DIS3L: variants seen among roughly 807,000 people sequenced by gnomAD.
The protein encoded by DIS3L is DIS3-like exonuclease 1.
In DIS3L, 100 loss-of-function variants were observed where a neutral mutation model predicts 120.3. The ratio of observed to expected loss-of-function variants is 0.83; its 90% CI spans 0.71 to 0.98. The LOEUF is 0.98. Ranked by LOEUF, DIS3L falls within the 50% of genes least tolerant of loss-of-function variation. The pLI is 0.00. For synonymous variants in DIS3L, 426 were observed against 470.6 expected (o/e 0.91, Z 1.23); for missense variants, 1,196 against 1,314.2 (o/e 0.91, Z 1.39).
intron 2 of DIS3L, among the ~76,000 whole-genome samples, chr15:66,297,605 A>C (rs535696761): frequency 2.0e-5 from 3 of 152,326 alleles, no homozygotes; most frequent in African/African-American, 7.2e-5. Context: ...GGCCTAGCAG[A>C]AGCTCTCTAG....
At chr15:66,311,135 A>C (rs1303607938) in intron 4 of DIS3L, among the ~76,000 whole-genome samples, 1 of 151,492 alleles carries the variant, frequency 6.6e-6, no homozygotes, top group Non-Finnish European at 1.5e-5. Context: ...TGGCCAGGGC[A>C]GGAGGATCAC....
chr15:66,308,901 G>A (rs758976632), intron 4 of DIS3L, 57 bp downstream of exon 4: 34 of 1,526,058 alleles, frequency 2.2e-5, no homozygotes, highest in Non-Finnish European at 2.8e-5. Flanking sequence ...TACCCATAAG[G>A]CTCTAGATCC....
intron 4 of DIS3L, among the ~76,000 whole-genome samples, chr15:66,311,025 G>T (rs2092754779): frequency 6.8e-6 from 1 of 146,292 alleles, no homozygotes; most frequent in Non-Finnish European, 1.5e-5. Flanking sequence ...CTCCAGCATG[G>T]GCAACAGAGC....
chr15:66,327,916 C>T (rs1031836315), intron 12 of DIS3L, among the ~76,000 whole-genome samples: 5 of 151,962 alleles, frequency 3.3e-5, no homozygotes, highest in East Asian at 1.9e-4. Context: ...ACGAGCCAGG[C>T]ATGGCGCACT....
intron 8 of DIS3L, 149 bp downstream of exon 8, chr15:66,318,767 A>G: frequency 2.2e-6 from 2 of 916,516 alleles, no homozygotes; most frequent in South Asian, 1.9e-5. Context: ...AGATACTGGG[A>G]TGTGTTTTTT....
At chr15:66,314,963 C>A in intron 6 of DIS3L, 73 bp from the exon 7 acceptor site, 1 of 1,491,892 alleles carries the variant, frequency 6.7e-7, no homozygotes, top group South Asian at 1.2e-5. Context: ...TCGAGTATAT[C>A]ATGCGCGGAA....
In DIS3L at chr15:66,293,614, G is replaced by C. The variant is rs2092546372; in HGVS notation, c.18G>C (p.Glu6Asp). The C allele has an allele frequency of 6.9e-7, 1 of 1,445,188 alleles. No individual in the cohort carries two copies. The highest frequency in any genetic ancestry group is 1.5e-5 in the African/African-American group (1 of 67,482). The allele number at this position is 1,445,188 out of a possible 1,614,324, so 89.5% of individuals were successfully genotyped here. A position where few individuals can be genotyped will look rare whatever the true frequency, so the allele number is the denominator to read the frequency against. Residue 6 changes from glutamate (E) to aspartate (D), a missense_variant, in exon 1 of 17, where the codon GAG becomes GAC. Transcript: ENST00000319212. ...ACGCCGCCATGCTGCAGAAGCGGGA[G>C]AAGGTGCTGCTGCTGAGGACCTTCC... The part of the protein sequence containing the change: MLQKR[E>D]KVLLLRTFQG...
chr15:66,333,405 G>A lies in DIS3L; in HGVS notation c.*93G>A, dbSNP rs373597475. ...ATGTGTGTCACTCAGTGCTCTAGTC[G>A]ATCAGGACTGGGTAGCTATTTCGCA... On this transcript the variant is annotated 3_prime_UTR_variant, in exon 17 of 17. Coordinates refer to ENST00000319212, the MANE Select transcript of DIS3L (RefSeq NM_001143688.3). 73 of 1,330,876 alleles carry A rather than the reference G, an allele frequency of 5.5e-5. No individual in the cohort carries two copies. Among genetic ancestry groups the A allele is most frequent in the East Asian group, 5.3e-4 (23 of 43,016 alleles). 82.4% of individuals were successfully genotyped at this position (1,330,876 alleles called of 1,614,324 possible). A position where few individuals can be genotyped will look rare whatever the true frequency, so the allele number is the denominator to read the frequency against.
At chr15:66,297,278 T>C (rs1332031069) in intron 2 of DIS3L, among the ~76,000 whole-genome samples, 1 of 152,180 alleles carries the variant, frequency 6.6e-6, no homozygotes, top group African/African-American at 2.4e-5. Context: ...TTATTTGACT[T>C]TTTTTAATTG....
At chr15:66,311,936 C>T (rs1435662142) in intron 5 of DIS3L, 36 bp downstream of exon 5, 2 of 1,607,216 alleles carry the variant, frequency 1.2e-6, no homozygotes, top group Middle Eastern at 1.8e-4. Flanking sequence ...CAGGGCTGGG[C>T]ACAGTGGCTC....
At chr15:66,295,885 T>A (rs2092581453) in intron 2 of DIS3L, among the ~76,000 whole-genome samples, 1 of 152,262 alleles carries the variant, frequency 6.6e-6, no homozygotes, top group African/African-American at 2.4e-5. Flanking sequence ...GCACCAACTA[T>A]GCATTTATTC....
At chr15:66,319,575 CA>C (rs1481449245) in intron 8 of DIS3L, among the ~76,000 whole-genome samples, 1 of 152,162 alleles carries the variant, frequency 6.6e-6, no homozygotes, top group Non-Finnish European at 1.5e-5. Flanking sequence ...TTACTTGTGT[CA>C]AAAAGTATGG....
intron 4 of DIS3L, among the ~76,000 whole-genome samples, 176 bp from the exon 5 acceptor site, chr15:66,311,546 CAG>C (rs1491435508): frequency 6.6e-6 from 1 of 151,972 alleles, no homozygotes; most frequent in African/African-American, 2.4e-5. Context: ...TTGGCAGGCT[CAG>C]GGGTTAATGT....
intron 1 of DIS3L, chr15:66,294,126 GC>G (rs1214906738): frequency 1.0e-6 from 1 of 985,536 alleles, no homozygotes; most frequent in Non-Finnish European, 1.2e-6. Flanking sequence ...GGAGCTACAG[GC>G]CAGCTGCTGC....
At chr15:66,307,241 T>A (rs1316244804) in intron 3 of DIS3L, among the ~76,000 whole-genome samples, 1 of 152,180 alleles carries the variant, frequency 6.6e-6, no homozygotes, top group Non-Finnish European at 1.5e-5. Flanking sequence ...AAGTCATAAC[T>A]TTAATGCGTG....
chr15:66,305,408 C>T (rs1007701168), intron 2 of DIS3L, among the ~76,000 whole-genome samples: 6 of 152,102 alleles, frequency 3.9e-5, no homozygotes, highest in South Asian at 2.1e-4. Context: ...TTTGCTTCAA[C>T]GAAAAGACTC....
intron 7 of DIS3L, among the ~76,000 whole-genome samples, chr15:66,316,642 C>T (rs746173112): frequency 1.3e-5 from 2 of 152,038 alleles, no homozygotes; most frequent in Non-Finnish European, 2.9e-5. Flanking sequence ...ATGGTGAAAC[C>T]CTGTCTCTAC....
intron 2 of DIS3L, among the ~76,000 whole-genome samples, chr15:66,298,616 A>G (rs758168228): frequency 2.6e-5 from 4 of 152,244 alleles, no homozygotes; most frequent in African/African-American, 4.8e-5. Flanking sequence ...AATAATATCA[A>G]TGCAGAGAAT....
At position 66,311,726 on chromosome 15, in the gene DIS3L, T is replaced by C; in HGVS notation, c.561T>C (p.Asn187=). 6.2e-7 allele frequency: 1 copy of C among 1,613,912 alleles called. No homozygotes were observed. The highest frequency in any genetic ancestry group is 8.5e-7 in the Non-Finnish European group (1 of 1,179,932). ...TEGVFVITFK[N]YLDNFWPDLK... is the part of the protein sequence containing the mutation. ...CTCTGTGCCTTTATTAAATACAGAA[T>C]TACCTGGACAATTTCTGGCCTGATT... The change falls in exon 5 of 17, where the codon AAT becomes AAC. Residue 187 remains asparagine, a splice_region_variant and synonymous_variant. Transcript: ENST00000319212.
Sources: allele counts gnomAD v4.1 joint callset (sites outside exome capture counted in the v4.1 genomes callset), GRCh38; gene constraint gnomAD v4.1.1; transcripts MANE v1.5; gene names NCBI Gene and HGNC (gene_info 2026-07-23, HGNC 2026-07-21).